TENM1: variants seen among roughly 807,000 people sequenced by gnomAD.
TENM1 encodes the protein teneurin-1.
A neutral mutation model predicts 174.8 loss-of-function variants in TENM1; 35 were observed. The observed-to-expected ratio is 0.20, with a 90% CI of 0.15 to 0.27. The LOEUF (loss-of-function observed/expected upper bound fraction) is 0.27. Ranked by LOEUF, TENM1 falls within the 10% of genes least tolerant of loss-of-function variation. The pLI, the probability that TENM1 is intolerant of heterozygous loss-of-function variation, is 1.00. For synonymous variants in TENM1, 781 were observed against 798.7 expected (o/e 0.98, Z 0.37); for missense variants, 1,633 against 2,130.1 (o/e 0.77, Z 4.59).
At chrX:125,174,898 A>G in the TENM1 span, among the ~76,000 whole-genome samples, 2 of 111,823 alleles carry the variant, frequency 1.8e-5, no homozygotes, top group Non-Finnish European at 3.8e-5. Flanking sequence ...CCTTGGCCTC[A>G]GTGTTCTAAA....
intron 15 of TENM1, among the ~76,000 whole-genome samples, chrX:124,545,765 T>C (rs1271535119): frequency 8.9e-6 from 1 of 111,951 alleles, no homozygotes; most frequent in Admixed American, 9.5e-5. Context: ...CTGAATCTCT[T>C]GGAAGAAGGA....
At chrX:125,044,692 T>A in the TENM1 span, among the ~76,000 whole-genome samples, 1 of 111,328 alleles carries the variant, frequency 9.0e-6, no homozygotes, top group East Asian at 2.8e-4. Context: ...TGGCATATTG[T>A]CAACCTTGAA....
intron 11 of TENM1, among the ~76,000 whole-genome samples, chrX:124,592,440 T>TG (rs202035496): frequency 2.3e-4 from 24 of 102,279 alleles, no homozygotes; most frequent in South Asian, 4.6e-4. Flanking sequence ...ATTGGTTTTT[T>TG]TTTTTTTTTT....
chrX:124,846,131 G>T (rs1433663552), intron 3 of TENM1, among the ~76,000 whole-genome samples: 1 of 109,484 alleles, frequency 9.1e-6, no homozygotes. Context: ...ATGATACAAC[G>T]CAGGGAAAAA....
chrX:124,825,201 C>T (rs2056130566), intron 3 of TENM1, among the ~76,000 whole-genome samples: 1 of 79,099 alleles, frequency 1.3e-5, no homozygotes, highest in Non-Finnish European at 2.3e-5. Flanking sequence ...CTCACTTTGT[C>T]ACCCAGGCTA....
chrX:124,735,883 C>T, intron 4 of TENM1, among the ~76,000 whole-genome samples: 1 of 111,341 alleles, frequency 9.0e-6, no homozygotes, highest in Admixed American at 9.5e-5. Context: ...TAAACAATGG[C>T]TATTCATGGA....
chrX:124,891,528 G>C (rs1234521246), intron 3 of TENM1, among the ~76,000 whole-genome samples: 2 of 109,955 alleles, frequency 1.8e-5, no homozygotes, highest in African/African-American at 6.6e-5. Context: ...ATGTGGTGGT[G>C]TGCACCTGTA....
intron 5 of TENM1, among the ~76,000 whole-genome samples, chrX:124,683,743 T>A (rs780057163): frequency 1.2e-4 from 14 of 112,071 alleles, no homozygotes; most frequent in Non-Finnish European, 2.1e-4. Context: ...ATCACTTTGT[T>A]GTCCTAAGCT....
chrX:124,870,257 G>A (rs890447202), intron 3 of TENM1, among the ~76,000 whole-genome samples: 3 of 111,857 alleles, frequency 2.7e-5, no homozygotes, highest in African/African-American at 9.7e-5. Flanking sequence ...AGTACTTGTT[G>A]AACACCTGCT....
At chrX:124,959,846 A>T (rs2058628544) in intron 1 of TENM1, among the ~76,000 whole-genome samples, 1 of 111,396 alleles carries the variant, frequency 9.0e-6, no homozygotes, top group South Asian at 3.8e-4. Context: ...GGTTCTATCA[A>T]TTCGAACACA....
At chrX:124,475,695 A>T (rs1183268246) in intron 22 of TENM1, among the ~76,000 whole-genome samples, 1 of 111,301 alleles carries the variant, frequency 9.0e-6, no homozygotes, top group Non-Finnish European at 1.9e-5. Flanking sequence ...CTTTTTTCTG[A>T]AGGTTTCTGC....
chrX:125,133,888 C>T, the TENM1 span, among the ~76,000 whole-genome samples: 1 of 111,783 alleles, frequency 8.9e-6, no homozygotes, highest in Non-Finnish European at 1.9e-5. Flanking sequence ...TACCACAATC[C>T]AAGGTGCCTT....
At chrX:124,951,215 C>T (rs1395010059) in intron 1 of TENM1, among the ~76,000 whole-genome samples, 4 of 111,761 alleles carry the variant, frequency 3.6e-5, no homozygotes. Flanking sequence ...ATCTACATTT[C>T]CATTCACCCC....
chrX:124,923,261 TA>T (rs2058048299), intron 1 of TENM1, among the ~76,000 whole-genome samples: 1 of 111,800 alleles, frequency 8.9e-6, no homozygotes, highest in Admixed American at 9.5e-5. Context: ...AAATTCCACT[TA>T]ATCTGATATT....
At chrX:124,672,686 C>T (rs897010097) in intron 5 of TENM1, among the ~76,000 whole-genome samples, 2 of 111,810 alleles carry the variant, frequency 1.8e-5, no homozygotes, top group Non-Finnish European at 3.8e-5. Flanking sequence ...AAATATTCAT[C>T]AAGAGGGGAT....
intron 22 of TENM1, among the ~76,000 whole-genome samples, chrX:124,474,178 C>G (rs1416755245): frequency 9.0e-6 from 1 of 111,447 alleles, no homozygotes; most frequent in Non-Finnish European, 1.9e-5. Context: ...AACAGCAAGA[C>G]TGAGCATAAC....
At chrX:124,989,731 A>G in the TENM1 span, among the ~76,000 whole-genome samples, 3 of 111,261 alleles carry the variant, frequency 2.7e-5, no homozygotes, top group African/African-American at 6.5e-5. Context: ...AAAAAAAAAA[A>G]AGTATCTGAA....
At position 124,950,215 on chromosome X, in the gene TENM1, T is replaced by C. The variant is rs778658256; in HGVS notation, c.217+13322A>G. ...AGTAAAAGAGCAATTTGAACCCAAA[T>C]TGCTATTAGTTCAGTATTCTTTCTA... On this transcript the variant is annotated intron_variant, in intron 1 of 31. Coordinates refer to ENST00000422452, the Ensembl canonical transcript of TENM1. Among the ~76,000 whole-genome samples, 15 of 112,089 alleles carry C rather than the reference T, an allele frequency of 1.3e-4. No individual in the cohort carries two copies. The South Asian group carries it at 5.6e-3, about 42-fold the overall frequency.
intron 8 of TENM1, among the ~76,000 whole-genome samples, chrX:124,647,627 A>G (rs2051192036): frequency 9.0e-6 from 1 of 111,630 alleles, no homozygotes; most frequent in Admixed American, 9.5e-5. Context: ...GAGGTGAAAA[A>G]ATGTTTGTAT....
Sources: allele counts gnomAD v4.1 joint callset (sites outside exome capture counted in the v4.1 genomes callset), GRCh38; gene constraint gnomAD v4.1.1; transcripts MANE v1.5; gene names NCBI Gene and HGNC (gene_info 2026-07-23, HGNC 2026-07-21).